The following FNBP1L variants were observed in gnomAD, a reference collection of about 807,000 sequenced individuals.
FNBP1L encodes formin binding protein 1 like, also known as formin-binding protein 1-like.
Under a neutral mutation model 91.2 loss-of-function variants are expected in FNBP1L, and 36 were observed. The ratio of observed to expected loss-of-function variants is 0.39; its 90% confidence interval spans 0.30 to 0.52. The LOEUF is 0.52. Ranked by LOEUF, FNBP1L falls within the 20% of genes least tolerant of loss-of-function variation. The pLI is 0.66. For synonymous variants in FNBP1L, 242 were observed against 237.0 expected, an observed-to-expected ratio of 1.02 and a Z score of -0.19; for missense variants, 571 against 732.1, an observed-to-expected ratio of 0.78 and a Z score of 2.54.
chr1:93,527,003 G>A (rs954628328), intron 5 of FNBP1L, among the ~76,000 whole-genome samples: 2 of 152,092 alleles, frequency 1.3e-5, no homozygotes, highest in Admixed American at 6.6e-5. Context: ...GTGATTTTAT[G>A]TATGAGTATT....
chr1:93,530,790 C>G lies in FNBP1L; in HGVS notation c.546C>G (p.Ala182=), dbSNP rs770228375. ...KQQLNLRTHM[A]DENKNEYAAQ... is the part of the protein sequence containing the mutation. ...AGTTGAATCTGCGTACGCATATGGC[C>G]GATGAAAATAAAAATGAATATGCTG... The change falls in exon 7 of 17, where the codon GCC becomes GCG. Residue 182 remains alanine, a synonymous_variant. Transcript: ENST00000271234. The G allele has an allele frequency of 8.9e-5, 142 of 1,588,626 alleles. 1 individual carries two copies. The South Asian group carries it at 1.3e-3, about 15-fold the overall frequency.
chr1:93,511,035 G>C (rs1472780274), intron 2 of FNBP1L, among the ~76,000 whole-genome samples: 2 of 152,170 alleles, frequency 1.3e-5, no homozygotes, highest in Non-Finnish European at 1.5e-5. Flanking sequence ...CACTCTGCAG[G>C]ATATTATCCA....
intron 1 of FNBP1L, among the ~76,000 whole-genome samples, chr1:93,474,961 A>G (rs955928668): frequency 9.2e-5 from 14 of 152,224 alleles, no homozygotes; most frequent in African/African-American, 3.4e-4. Flanking sequence ...TAAAAGTGAT[A>G]ACAGTAGCAC....
Position 93,483,417 on chromosome 1 carries a change from G to C in FNBP1L, c.25-16051G>C, listed in dbSNP as rs548045405. Among the ~76,000 whole-genome samples the C allele has an allele frequency of 2.0e-5, 3 of 152,266 alleles. No homozygotes were observed. The South Asian group carries it at 6.2e-4, about 32-fold the overall frequency. ...CCCACCAGTATTACAGTCACAGTAA[G>C]TCATGAAAGAATAAACCACAGCCTA... On this transcript the variant is annotated intron_variant, in intron 1 of 16. Transcript: ENST00000271234.
At chr1:93,480,921 A>G (rs886712245) in intron 1 of FNBP1L, among the ~76,000 whole-genome samples, 1 of 152,204 alleles carries the variant, frequency 6.6e-6, no homozygotes, top group Admixed American at 6.5e-5. Context: ...TTTCTGTATT[A>G]TAAAGTTGCC....
intron 2 of FNBP1L, among the ~76,000 whole-genome samples, chr1:93,514,300 C>G (rs1670983506): frequency 6.6e-6 from 1 of 151,946 alleles, no homozygotes; most frequent in South Asian, 2.1e-4. Context: ...ATTCCATGCT[C>G]GTGGGTAGGA....
At chr1:93,506,194 G>A (rs1345030614) in intron 2 of FNBP1L, among the ~76,000 whole-genome samples, 2 of 152,042 alleles carry the variant, frequency 1.3e-5, no homozygotes, top group African/African-American at 4.8e-5. Flanking sequence ...TCTACAGCTA[G>A]GTCACAGAAA....
intron 7 of FNBP1L, 90 bp downstream of exon 7, chr1:93,530,973 G>C: frequency 1.9e-6 from 2 of 1,040,864 alleles, no homozygotes; most frequent in Non-Finnish European, 2.7e-6. Flanking sequence ...AATCTTTCTA[G>C]ATTCACTAGA....
chr1:93,456,602 C>CAAAAAAAAAAAAAAAAAAA (rs60167572), intron 1 of FNBP1L, among the ~76,000 whole-genome samples: 2 of 53,372 alleles, frequency 3.7e-5, no homozygotes, highest in African/African-American at 6.0e-5. Flanking sequence ...CCTTCTCTAC[C>CAAAAAAAAAAAAAAAAAAA]AAAAAAAAAA....
At chr1:93,499,612 A>G (rs1044680067) in intron 2 of FNBP1L, 29 bp downstream of exon 2, 5 of 1,320,430 alleles carry the variant, frequency 3.8e-6, no homozygotes, top group African/African-American at 1.5e-5. Flanking sequence ...CAGTTTTTAG[A>G]ATGAAATTAC....
Position 93,553,462 on chromosome 1 carries a change from T to C in FNBP1L, c.*1046T>C, listed in dbSNP as rs1282519127. The C allele has an allele frequency of 1.3e-5, 2 of 152,638 alleles. No individual in the cohort carries two copies. Among genetic ancestry groups the C allele is most frequent in the Non-Finnish European group, 2.9e-5 (2 of 68,026 alleles). 9.5% of individuals were successfully genotyped at this position (152,638 alleles called of 1,614,324 possible). ...GAGCTCTACCATATACAGTGGTGCA[T>C]CTTCAAATTTATGCATCAAACTAAA... On this transcript the variant is annotated 3_prime_UTR_variant, in exon 17 of 17. Coordinates refer to ENST00000271234, the MANE Select transcript of FNBP1L (RefSeq NM_001164473.3).
chr1:93,459,677 A>G (rs1668794224), intron 1 of FNBP1L, among the ~76,000 whole-genome samples: 1 of 152,244 alleles, frequency 6.6e-6, no homozygotes, highest in South Asian at 2.1e-4. Flanking sequence ...TCCTCAAAAA[A>G]TTAAAAATAG....
intron 1 of FNBP1L, among the ~76,000 whole-genome samples, chr1:93,495,125 C>T (rs946038638): frequency 1.6e-4 from 24 of 152,036 alleles, no homozygotes; most frequent in African/African-American, 4.3e-4. Context: ...TAAAATATGG[C>T]AATAAAATAA....
At chr1:93,524,126 A>G (rs1285558957) in intron 4 of FNBP1L, 135 bp from the exon 5 acceptor site, 1 of 632,290 alleles carries the variant, frequency 1.6e-6, no homozygotes, top group Admixed American at 3.9e-5. Flanking sequence ...AAAGTTATAT[A>G]ATTAGTACCT....
chr1:93,449,586 A>C (rs1456591713), intron 1 of FNBP1L, among the ~76,000 whole-genome samples: 1 of 152,208 alleles, frequency 6.6e-6, no homozygotes, highest in Non-Finnish European at 1.5e-5. Context: ...GAGTCCATCT[A>C]GTGAATGCTT....
At chr1:93,524,920 T>C (rs2101752507) in intron 5 of FNBP1L, among the ~76,000 whole-genome samples, 1 of 152,170 alleles carries the variant, frequency 6.6e-6, no homozygotes, top group East Asian at 1.9e-4. Flanking sequence ...GCATAATAAT[T>C]ATTTACTTAA....
chr1:93,508,744 C>T (rs1670716726), intron 2 of FNBP1L, among the ~76,000 whole-genome samples: 1 of 152,130 alleles, frequency 6.6e-6, no homozygotes, highest in Non-Finnish European at 1.5e-5. Context: ...TCTATGGTTA[C>T]CCTCTGTAGT....
intron 2 of FNBP1L, among the ~76,000 whole-genome samples, chr1:93,521,227 A>C (rs1671313623): frequency 6.6e-6 from 1 of 152,170 alleles, no homozygotes; most frequent in African/African-American, 2.4e-5. Context: ...TGAAGGCAAA[A>C]AACAGTTACA....
In FNBP1L at chr1:93,546,823, G is replaced by T; in HGVS notation, c.1275-19G>T. The T allele has an allele frequency of 6.2e-7, 1 of 1,609,868 alleles. No homozygotes were observed. Among genetic ancestry groups the T allele is most frequent in the Non-Finnish European group, 8.5e-7 (1 of 1,178,070 alleles). On this transcript the variant is annotated intron_variant, in intron 12 of 16. Coordinates refer to ENST00000271234, the MANE Select transcript of FNBP1L (RefSeq NM_001164473.3). ...ATATGAAGTTAATATTTAATTCTGG[G>T]GTTCCTTCTCTTTTTTAGAGATGCA...
Sources: allele counts gnomAD v4.1 joint callset (sites outside exome capture counted in the v4.1 genomes callset), GRCh38; gene constraint gnomAD v4.1.1; transcripts MANE v1.5; gene names NCBI Gene and HGNC (gene_info 2026-07-23, HGNC 2026-07-21).